Variants in FTCDNL1 observed in about 807,000 individuals in gnomAD.
FTCDNL1 encodes formiminotransferase N-terminal subdomain-containing protein.
FTCDNL1 carries 11 observed loss-of-function variants against 5.9 expected under a neutral mutation model. The observed-to-expected ratio is 1.87, with a 90% CI of 1.18 to 3.10. The LOEUF (loss-of-function observed/expected upper bound fraction) is 3.10. FTCDNL1 is among the 30% of genes most tolerant of loss of function. The pLI, the probability that FTCDNL1 is intolerant of heterozygous loss-of-function variation, is 0.00. For missense variants in FTCDNL1, 115 were observed against 65.5 expected, an observed-to-expected ratio of 1.76 and a Z score of -2.61; for synonymous variants, 58 against 24.8, an observed-to-expected ratio of 2.34 and a Z score of -3.99.
chr2:199,766,566 C>A (rs919978481), intron 3 of FTCDNL1, among the ~76,000 whole-genome samples: 1 of 152,156 alleles, frequency 6.6e-6, no homozygotes, highest in African/African-American at 2.4e-5. Context: ...TGTAGATAAT[C>A]ACAACATACT....
downstream of FTCDNL1, among the ~76,000 whole-genome samples, chr2:199,809,170 T>C (rs1447871533): frequency 2.6e-5 from 4 of 151,588 alleles, no homozygotes; most frequent in Non-Finnish European, 5.9e-5. Context: ...ATAATATAAA[T>C]GCAGTCAGAT....
chr2:199,683,330 T>C, the FTCDNL1 span, among the ~76,000 whole-genome samples: 1 of 152,106 alleles, frequency 6.6e-6, no homozygotes, highest in South Asian at 2.1e-4. Flanking sequence ...TTATAAGCCA[T>C]GATGCATATG....
chr2:199,800,936 T>C (rs1220805245), intron 3 of FTCDNL1, among the ~76,000 whole-genome samples: 1 of 152,252 alleles, frequency 6.6e-6, no homozygotes, highest in Non-Finnish European at 1.5e-5. Context: ...CAGCTACAGC[T>C]TCTGTATTGG....
chr2:199,790,086 G>T (rs1699845969), intron 3 of FTCDNL1, among the ~76,000 whole-genome samples: 1 of 151,940 alleles, frequency 6.6e-6, no homozygotes, highest in African/African-American at 2.4e-5. Flanking sequence ...AAAGAGGGTG[G>T]GAAGAGAAAG....
chr2:199,709,978 T>G, the FTCDNL1 span, among the ~76,000 whole-genome samples: 4 of 152,086 alleles, frequency 2.6e-5, no homozygotes, highest in Non-Finnish European at 5.9e-5. Flanking sequence ...GCTTCCATAT[T>G]TGCACATTTG....
Position 199,819,596 on chromosome 2 carries a change from G to A in FTCDNL1, c.373C>T (p.Pro125Ser). ...CCTGTTAAACCACATCTTTGGGAAG[G>A]GGCAGCTCCCAGGTCAGGCTGAAGA... ...SALQPDLGAA[P>S]SQRCGLTACF... Residue 125 changes from proline (P) to serine (S), a missense_variant, in exon 4 of 5, where the codon CCT becomes TCT. Physicochemically the swap from Pro to Ser is moderately conservative, Grantham distance 74. Coordinates refer to ENST00000420128, the MANE Select transcript of FTCDNL1 (RefSeq NM_001363886.2). 2 of 702,006 alleles carry A rather than the reference G, an allele frequency of 2.8e-6. No homozygotes were observed. The highest frequency in any genetic ancestry group is 5.2e-6 in the Non-Finnish European group (2 of 384,772). 43.5% of individuals were successfully genotyped at this position (702,006 alleles called of 1,614,324 possible).
chr2:199,671,167 C>CAAAA, the FTCDNL1 span, among the ~76,000 whole-genome samples: 1 of 136,158 alleles, frequency 7.3e-6, no homozygotes. Flanking sequence ...AAATCCATGG[C>CAAAA]AAAAAAAAAA....
At chr2:199,715,227 T>A in the FTCDNL1 span, among the ~76,000 whole-genome samples, 1 of 152,196 alleles carries the variant, frequency 6.6e-6, no homozygotes, top group Non-Finnish European at 1.5e-5. Flanking sequence ...GTCTTATATA[T>A]ATATGCTATA....
intron 3 of FTCDNL1, among the ~76,000 whole-genome samples, chr2:199,782,968 T>C (rs1240561335): frequency 6.6e-6 from 1 of 152,242 alleles, no homozygotes; most frequent in East Asian, 1.9e-4. Context: ...ATTCTTGACT[T>C]CTTTTGATTG....
At chr2:199,849,657 A>G (rs1169725807) in intron 1 of FTCDNL1, among the ~76,000 whole-genome samples, 3 of 152,230 alleles carry the variant, frequency 2.0e-5, no homozygotes, top group African/African-American at 7.2e-5. Context: ...AAAATTAATT[A>G]TACAGGTTTT....
At chr2:199,702,636 T>C in the FTCDNL1 span, among the ~76,000 whole-genome samples, 1 of 152,242 alleles carries the variant, frequency 6.6e-6, no homozygotes, top group Non-Finnish European at 1.5e-5. Context: ...TCAGTTGTTA[T>C]TCTAGGTTCC....
At chr2:199,836,429 C>T (rs1702745780) in intron 3 of FTCDNL1, among the ~76,000 whole-genome samples, 1 of 152,188 alleles carries the variant, frequency 6.6e-6, no homozygotes, top group African/African-American at 2.4e-5. Flanking sequence ...ACCTTGGCCT[C>T]CCAAAGTGCT....
the FTCDNL1 span, among the ~76,000 whole-genome samples, chr2:199,726,874 A>G: frequency 6.6e-6 from 1 of 152,174 alleles, no homozygotes; most frequent in East Asian, 1.9e-4. Context: ...GGGAGGTCTC[A>G]CCCAGTAAGG....
chr2:199,760,895 C>T (rs1329899219), intron 3 of FTCDNL1: 2 of 701,460 alleles, frequency 2.9e-6, no homozygotes, highest in African/African-American at 3.5e-5. Context: ...GAGGCCTTAC[C>T]CCTCTCCACT....
chr2:199,696,183 G>A, the FTCDNL1 span, among the ~76,000 whole-genome samples: 2 of 152,264 alleles, frequency 1.3e-5, no homozygotes, highest in South Asian at 2.1e-4. Flanking sequence ...CCTGCCACTA[G>A]GGCAAGCGTG....
At chr2:199,704,805 T>C in the FTCDNL1 span, among the ~76,000 whole-genome samples, 1 of 151,758 alleles carries the variant, frequency 6.6e-6, no homozygotes, top group African/African-American at 2.4e-5. Flanking sequence ...CAGAGGGAGC[T>C]CTTGAACTAG....
At chr2:199,740,677 C>T in the FTCDNL1 span, among the ~76,000 whole-genome samples, 1 of 152,118 alleles carries the variant, frequency 6.6e-6, no homozygotes, top group Admixed American at 6.5e-5. Context: ...GCTCTGGCAA[C>T]CTCAAAGGCA....
chr2:199,771,865 C>T (rs533411923), intron 3 of FTCDNL1, among the ~76,000 whole-genome samples: 1 of 152,306 alleles, frequency 6.6e-6, no homozygotes, highest in South Asian at 2.1e-4. Flanking sequence ...TCCAAGACTC[C>T]AGTGGATGCC....
chr2:199,762,621 A>T (rs958568110), intron 3 of FTCDNL1, among the ~76,000 whole-genome samples: 1 of 152,232 alleles, frequency 6.6e-6, no homozygotes, highest in African/African-American at 2.4e-5. Context: ...AAGTAAATAA[A>T]TAATTCATTT....
Sources: gnomAD v4.1 joint callset for allele counts (sites outside exome capture counted in the v4.1 genomes callset) on GRCh38, gnomAD v4.1.1 for gene constraint, MANE v1.5 for transcripts, NCBI Gene and HGNC (gene_info 2026-07-23, HGNC 2026-07-21) for gene names.